The following CDC25B variants were observed in gnomAD, a reference collection of about 807,000 sequenced individuals.
The protein encoded by CDC25B is cell division cycle 25B.
A neutral mutation model predicts 69.8 loss-of-function variants in CDC25B; 33 were observed. The ratio of observed to expected loss-of-function variants is 0.47; its 90% confidence interval spans 0.36 to 0.63. The LOEUF (loss-of-function observed/expected upper bound fraction) is 0.63. CDC25B is among the 30% of genes least tolerant of loss of function. CDC25B has a pLI of 0.00. For synonymous variants in CDC25B, 341 were observed against 314.6 expected (o/e 1.08, Z -0.89); for missense variants, 727 against 809.1 (o/e 0.90, Z 1.23).
chr20:3,799,523 T>TGCGCGCGCGCGC (rs879400925), intron 3 of CDC25B, among the ~76,000 whole-genome samples: 1 of 56,872 alleles, frequency 1.8e-5, no homozygotes, highest in African/African-American at 7.3e-5. Flanking sequence ...TGTGTGTGTG[T>TGCGCGCGCGCGC]GTGCGCGCGC....
At chr20:3,802,877 T>TC (rs771582725) in intron 11 of CDC25B, 33 bp from the exon 12 acceptor site, 1 of 1,572,848 alleles carries the variant, frequency 6.4e-7, no homozygotes. Flanking sequence ...TTTAACTTTC[T>TC]CCCCTCTCCC....
rs2089367928 is a variant in CDC25B, at chr20:3,803,569, T to G, written c.1490+32T>G. On this transcript the variant is annotated intron_variant, in intron 14 of 15. Transcript: ENST00000245960. The surrounding 1 kb of genome is among the most constrained non-coding windows in gnomAD (Gnocchi z 4.9). ...CCCAGCTCCGCCCAGCCAGCTAGTG[T>G]CTGCCCTGGCCTTCCCTGCCCAGGC... 2 of 1,613,120 alleles carry G rather than the reference T, an allele frequency of 1.2e-6. No homozygotes were observed. The highest frequency in any genetic ancestry group is 1.7e-6 in the Non-Finnish European group (2 of 1,179,906).
chr20:3,799,847 C>T (rs2089210605), intron 3 of CDC25B, among the ~76,000 whole-genome samples: 1 of 152,136 alleles, frequency 6.6e-6, no homozygotes, highest in Non-Finnish European at 1.5e-5. Flanking sequence ...CCTAGCCTTG[C>T]TGTTGTCCAG....
intron 2 of CDC25B, among the ~76,000 whole-genome samples, chr20:3,798,084 C>T (rs1010771220): frequency 2.0e-5 from 3 of 152,150 alleles, no homozygotes; most frequent in African/African-American, 7.2e-5. Flanking sequence ...ACATTCTTAG[C>T]CTATAACCTC....
At chr20:3,794,354 G>A (rs2088972306), upstream of CDC25B, among the ~76,000 whole-genome samples, 1 of 150,636 alleles carries the variant, frequency 6.6e-6, no homozygotes, top group Non-Finnish European at 1.5e-5. Flanking sequence ...GGCCAGTGAT[G>A]ATGAGCATTT....
chr20:3,800,529 A>C, intron 5 of CDC25B, 31 bp downstream of exon 5: 1 of 1,612,616 alleles, frequency 6.2e-7, no homozygotes. Context: ...ACTGAGGCTT[A>C]GGCATGCTAG....
chr20:3,803,269 A>C lies in CDC25B; in HGVS notation c.1356+63A>C, dbSNP rs1277758157. 1 of 1,574,174 alleles carries C rather than the reference A, an allele frequency of 6.4e-7. No individual in the cohort carries two copies. Among genetic ancestry groups the C allele is most frequent in the African/African-American group, 1.4e-5 (1 of 74,058 alleles). ...ACCTGGTTTAGGTCCTTGCTTTGCCAAGAGGGTGAATGGGTGGAGGACGGG... is the reference window on the plus strand; with the variant it reads ...ACCTGGTTTAGGTCCTTGCTTTGCCCAGAGGGTGAATGGGTGGAGGACGGG... On this transcript the variant is annotated intron_variant, in intron 13 of 15. Transcript: ENST00000245960. The surrounding 1 kb of genome is among the most constrained non-coding windows in gnomAD (Gnocchi z 4.9).
intron 1 of CDC25B, among the ~76,000 whole-genome samples, chr20:3,790,498 C>CAA (rs113095369): frequency 0.068 from 6,258 of 92,608 alleles, 180 homozygotes; most frequent in Non-Finnish European, 0.094. Flanking sequence ...AACTCTGTCT[C>CAA]AAAAAAAAAA....
rs565873590 is a variant in CDC25B at position 3,797,641 on chromosome 20, G to A, written c.220G>A (p.Val74Ile). The A allele has an allele frequency of 1.9e-6, 3 of 1,614,086 alleles. No individual in the cohort carries two copies. The highest frequency in any genetic ancestry group is 1.7e-5 in the Admixed American group (1 of 60,024). Residue 74 changes from valine to isoleucine, a missense_variant, in exon 2 of 16, where the codon GTA (valine) becomes ATA (isoleucine). Coordinates refer to ENST00000245960, the MANE Select transcript of CDC25B (RefSeq NM_021873.4). ...GLGSETPKSQ[V>I]GTLLFRSRSR... ...TCCCAGCGAAACCCCAAAGAGTCAG[G>A]TAGGGACCCTGCTCTTCCGCAGCCG...
rs749382019 is a variant in CDC25B, at chr20:3,803,360, C to G, written c.1357-44C>G. 1 of 1,613,532 alleles carries G rather than the reference C, an allele frequency of 6.2e-7. No individual in the cohort carries two copies. Among genetic ancestry groups the G allele is most frequent in the Non-Finnish European group, 8.5e-7 (1 of 1,179,714 alleles). On this transcript the variant is annotated intron_variant, in intron 13 of 15. Transcript: ENST00000245960. This position sits in a 1 kb window ranked among gnomAD's most constrained non-coding sequence, Gnocchi z 4.9. ...AGCGACTGCACGGGGAGGGCCCTGA[C>G]TCCTGGACCCGGGGCTGTGCCTGAC...
At chr20:3,794,089 T>C (rs959325722), upstream of CDC25B, among the ~76,000 whole-genome samples, 5 of 150,692 alleles carry the variant, frequency 3.3e-5, no homozygotes, top group Admixed American at 6.6e-5. Flanking sequence ...AGCAGCATGA[T>C]TTATAATCCT....
rs1008107391 is a variant in CDC25B, at chr20:3,802,827, G to A, written c.1195-83G>A. The A allele has an allele frequency of 5.1e-6, 6 of 1,173,724 alleles. No individual in the cohort carries two copies. In the African/African-American group the frequency reaches 7.6e-5, roughly 15 times the overall value. The allele number at this position is 1,173,724 out of a possible 1,614,324, so 72.7% of individuals were successfully genotyped here. A position where few individuals can be genotyped will look rare whatever the true frequency, so the allele number is the denominator to read the frequency against. ...AAAGCAGGTGTGGCCTCTGATTTTG[G>A]GAATGAAACTTCATTCTTTGAGGCT... On this transcript the variant is annotated intron_variant, in intron 11 of 15. Coordinates refer to ENST00000245960, the MANE Select transcript of CDC25B (RefSeq NM_021873.4).
intron 1 of CDC25B, 143 bp downstream of exon 1, chr20:3,796,874 T>G: frequency 1.0e-5 from 11 of 1,070,308 alleles, no homozygotes; most frequent in East Asian, 3.2e-5. Context: ...TACGCCCTTG[T>G]TCCCTCCTAG....
chr20:3,787,599 C>T (rs939074579), intron 1 of CDC25B, among the ~76,000 whole-genome samples: 1 of 152,152 alleles, frequency 6.6e-6, no homozygotes, highest in African/African-American at 2.4e-5. Context: ...GTGTGAATCC[C>T]TGAAGCCTCC....
upstream of CDC25B, among the ~76,000 whole-genome samples, chr20:3,792,037 C>T (rs1054301493): frequency 1.3e-5 from 2 of 151,960 alleles, no homozygotes; most frequent in Non-Finnish European, 2.9e-5. Context: ...CCTCAGACTC[C>T]CAAGTAGCTG....
chr20:3,793,509 C>A (rs2088948785), upstream of CDC25B, among the ~76,000 whole-genome samples: 1 of 151,578 alleles, frequency 6.6e-6, no homozygotes, highest in Non-Finnish European at 1.5e-5. Context: ...CCCACCTCCC[C>A]CCTCACTGGC....
At position 3,802,032 on chromosome 20, in the gene CDC25B, A is replaced by G. The variant is rs781283576; in HGVS notation, c.1030A>G (p.Thr344Ala). ...GCTGGAGCGGCCCCAGGACAGGGACACGCCCGTGCAGAATAAGCGGAGGCG... is the reference window on the plus strand; with the variant it reads ...GCTGGAGCGGCCCCAGGACAGGGACGCGCCCGTGCAGAATAAGCGGAGGCG... ...KRLERPQDRD[T>A]PVQNKRRRSV... Residue 344 changes from threonine to alanine, a missense_variant, in exon 10 of 16, where the codon ACG becomes GCG. Physicochemically the swap from Thr to Ala is moderately conservative, Grantham distance 58. Around this residue, in one of 2 missense-constraint regions of CDC25B, gnomAD observed 359 missense variants for 463.4 expected, o/e 0.77. Transcript: ENST00000245960. 4.4e-6 allele frequency: 7 copies of G among 1,583,746 alleles called. No homozygotes were observed. Among genetic ancestry groups the G allele is most frequent in the Admixed American group, 1.8e-5 (1 of 55,122 alleles).
intron 4 of CDC25B, 62 bp downstream of exon 4, chr20:3,800,391 G>A: frequency 1.2e-6 from 2 of 1,612,510 alleles, no homozygotes; most frequent in Admixed American, 1.7e-5. Context: ...GGCTCCAGAA[G>A]GGCATGCTGC....
chr20:3,805,183 A>C lies in CDC25B; in HGVS notation c.*222A>C, dbSNP rs368742502. The stretch of plus-strand genomic sequence containing the variant: ...ACCCCTGGAAGAGCCCAGTCTGTTG[A>C]GTTAGTTAAGTTGGGTTAATACCAG... On this transcript the variant is annotated 3_prime_UTR_variant, in exon 16 of 16. Coordinates refer to ENST00000245960, the MANE Select transcript of CDC25B (RefSeq NM_021873.4). 1 of 576,482 alleles carries C rather than the reference A, an allele frequency of 1.7e-6. No individual in the cohort carries two copies. Among genetic ancestry groups the C allele is most frequent in the African/African-American group, 1.9e-5 (1 of 53,234 alleles). 35.7% of individuals were successfully genotyped at this position (576,482 alleles called of 1,614,324 possible).
Sources: gnomAD v4.1 joint callset for allele counts (sites outside exome capture counted in the v4.1 genomes callset) on GRCh38, gnomAD v4.1.1 for gene constraint, gnomAD v4.1.1 regional missense constraint, Gnocchi (gnomAD v3.1) non-coding constraint, MANE v1.5 for transcripts, NCBI Gene and HGNC (gene_info 2026-07-23, HGNC 2026-07-21) for gene names.